The following PIEZO2 variants were observed in gnomAD, a reference collection of about 807,000 sequenced individuals.
The protein encoded by PIEZO2 is piezo-type mechanosensitive ion channel component 2.
In PIEZO2, 172 loss-of-function variants were observed where a neutral mutation model predicts 337.3. The observed-to-expected ratio is 0.51, with a 90% CI of 0.45 to 0.58. The LOEUF (loss-of-function observed/expected upper bound fraction) is 0.58. PIEZO2 is among the 20% of genes least tolerant of loss of function. PIEZO2 has a pLI of 0.00. For synonymous variants in PIEZO2, 1,251 were observed against 1,228.5 expected (o/e 1.02, Z -0.38); for missense variants, 3,028 against 3,391.3 (o/e 0.89, Z 2.66).
chr18:10,795,659 C>T lies in PIEZO2; in HGVS notation c.1528-657G>A, dbSNP rs573137788. Among the ~76,000 whole-genome samples, 2 of 152,260 alleles carry T rather than the reference C, an allele frequency of 1.3e-5. No homozygotes were observed. The highest frequency in any genetic ancestry group is 4.1e-4 in the South Asian group (2 of 4,822). ...TTTCCCAGTCTCCTCTCACATGTGG[C>T]TGTGTTCCTTACTGGAAACTGAAGT... On this transcript the variant is annotated intron_variant, in intron 12 of 55. Transcript: ENST00000674853. This position sits in a 1 kb window ranked among gnomAD's most constrained non-coding sequence, Gnocchi z 4.4.
chr18:10,941,260 G>C (rs1290613445), intron 3 of PIEZO2, among the ~76,000 whole-genome samples: 1 of 152,084 alleles, frequency 6.6e-6, no homozygotes, highest in Non-Finnish European at 1.5e-5. Context: ...CAAAAACTAA[G>C]TTAATAGCAG....
At chr18:10,807,445 A>T (rs1262189095) in intron 7 of PIEZO2, among the ~76,000 whole-genome samples, 171 bp from the exon 8 acceptor site, 4 of 152,252 alleles carry the variant, frequency 2.6e-5, no homozygotes, top group Non-Finnish European at 4.4e-5. Context: ...TTTAAAGAAT[A>T]TATGTGGACA....
rs191299912 is a variant in PIEZO2, at chr18:10,776,215, C to T, written c.2535-2177G>A. The stretch of plus-strand genomic sequence containing the variant: ...AAGTCTTCACCAGAAAACTTGCTAG[C>T]TAGGTGAGATGGGAAAGCTATGTAA... On this transcript the variant is annotated intron_variant, in intron 18 of 55. Transcript: ENST00000674853. 3.1e-3 allele frequency among the ~76,000 whole-genome samples: 476 copies of T among 152,102 alleles called. 2 individuals carry two copies. Among genetic ancestry groups the T allele is most frequent in the Non-Finnish European group, 3.9e-3 (262 of 68,008 alleles).
intron 20 of PIEZO2, among the ~76,000 whole-genome samples, chr18:10,772,954 A>G (rs2038654873): frequency 6.6e-6 from 1 of 152,208 alleles, no homozygotes; most frequent in African/African-American, 2.4e-5. Context: ...TCCAGTTCCC[A>G]TGTCCTTAGG....
chr18:10,740,877 C>G (rs781126621), intron 33 of PIEZO2, 154 bp downstream of exon 33: 1 of 765,016 alleles, frequency 1.3e-6, no homozygotes, highest in South Asian at 1.5e-5. Context: ...CTCAAAGACC[C>G]ACTGACATTA....
chr18:11,067,388 G>GA (rs149098601), intron 1 of PIEZO2, among the ~76,000 whole-genome samples: 393 of 149,460 alleles, frequency 2.6e-3, no homozygotes, highest in African/African-American at 8.1e-3. Flanking sequence ...CTTTCTTTAA[G>GA]AAAAAAAAAA....
intron 3 of PIEZO2, among the ~76,000 whole-genome samples, chr18:10,970,087 C>A (rs113633276): frequency 6.6e-6 from 1 of 152,242 alleles, no homozygotes; most frequent in South Asian, 2.1e-4. Context: ...TATCACTCAA[C>A]ATTAAAAGTT....
intron 1 of PIEZO2, among the ~76,000 whole-genome samples, chr18:11,145,609 C>T (rs1033446843): frequency 1.3e-5 from 2 of 152,218 alleles, no homozygotes; most frequent in South Asian, 4.1e-4. Context: ...ACTCACTATG[C>T]GCAGGAGAGA....
chr18:10,736,063 A>C (rs1251179127), intron 34 of PIEZO2, among the ~76,000 whole-genome samples: 2 of 152,212 alleles, frequency 1.3e-5, no homozygotes, highest in Non-Finnish European at 2.9e-5. Context: ...GTTCTAAAAC[A>C]GAAAGGTAGC....
In PIEZO2 at chr18:11,045,481, G is replaced by C. The variant is rs190411185; in HGVS notation, c.160+20646C>G. Among the ~76,000 whole-genome samples the C allele has an allele frequency of 7.8e-3, 1,185 of 152,170 alleles. 59 individuals are homozygous for C. The highest frequency in any genetic ancestry group is 0.073 in the Admixed American group (1,115 of 15,266). ...CTTGGGAACCCTAGACAGCACTTCA[G>C]CACCATGCATGGGTGCCATTTTAAA... On this transcript the variant is annotated intron_variant, in intron 2 of 55. Coordinates refer to ENST00000674853, the MANE Select transcript of PIEZO2 (RefSeq NM_001378183.1).
Position 10,781,192 on chromosome 18 carries a change from C to T in PIEZO2, c.2493-826G>A, listed in dbSNP as rs1169422033. ...GAGCTATAAAAGTAATGAATATGGC[C>T]GGGTGTGGTGGCTCACGCCTGTAAT... On this transcript the variant is annotated intron_variant, in intron 17 of 55. Transcript: ENST00000674853. This position sits in a 1 kb window ranked among gnomAD's most constrained non-coding sequence, Gnocchi z 4.1. Among the ~76,000 whole-genome samples, 5 of 151,932 alleles carry T rather than the reference C, an allele frequency of 3.3e-5. No individual in the cohort carries two copies. The highest frequency in any genetic ancestry group is 2.1e-4 in the South Asian group (1 of 4,822).
At chr18:10,798,965 G>A (rs1214681705) in intron 11 of PIEZO2, among the ~76,000 whole-genome samples, 1 of 152,164 alleles carries the variant, frequency 6.6e-6, no homozygotes, top group South Asian at 2.1e-4. Context: ...TGTCATCATG[G>A]GTTGGGTGTG....
intron 3 of PIEZO2, among the ~76,000 whole-genome samples, chr18:10,916,383 C>T (rs1345671837): frequency 8.5e-5 from 13 of 152,128 alleles, no homozygotes; most frequent in East Asian, 5.8e-4. Context: ...CAGCCAACCG[C>T]GGTAGGGCTC....
At chr18:10,949,121 C>CT (rs1257644752) in intron 3 of PIEZO2, among the ~76,000 whole-genome samples, 1 of 152,152 alleles carries the variant, frequency 6.6e-6, no homozygotes, top group African/African-American at 2.4e-5. Flanking sequence ...GTAGTTATAT[C>CT]TATTCTGAGA....
chr18:10,864,176 G>A (rs2041947672), intron 5 of PIEZO2, among the ~76,000 whole-genome samples: 1 of 152,126 alleles, frequency 6.6e-6, no homozygotes, highest in African/African-American at 2.4e-5. Flanking sequence ...TCAAAATATT[G>A]AGCAGAGAAG....
rs2032745612 is a variant in PIEZO2, at chr18:10,941,915, T to TG, written c.287-30688dup. On this transcript the variant is annotated intron_variant, in intron 3 of 55. Coordinates refer to ENST00000674853, the MANE Select transcript of PIEZO2 (RefSeq NM_001378183.1). ...GACCCAGTGGGAGATGACTGAATCATGGGGGGTGGGTCTTTCCAGTGCTGT... is the reference window on the plus strand; with the variant it reads ...GACCCAGTGGGAGATGACTGAATCATGGGGGGGTGGGTCTTTCCAGTGCTGT... Among the ~76,000 whole-genome samples the TG allele has an allele frequency of 3.3e-5, 5 of 152,104 alleles. 1 individual carries two copies. Among genetic ancestry groups the TG allele is most frequent in the South Asian group, 4.1e-4 (2 of 4,830 alleles).
chr18:11,043,040 C>G (rs774402352), intron 2 of PIEZO2, among the ~76,000 whole-genome samples: 2 of 152,162 alleles, frequency 1.3e-5, no homozygotes, highest in Admixed American at 6.5e-5. Flanking sequence ...GTCTAATTGG[C>G]TAACCATAAT....
At chr18:11,057,069 C>G (rs767115735) in intron 2 of PIEZO2, among the ~76,000 whole-genome samples, 6 of 151,850 alleles carry the variant, frequency 4.0e-5, no homozygotes, top group Non-Finnish European at 7.4e-5. Context: ...CTGATGGACA[C>G]AGCTGACAGT....
chr18:10,719,945 C>A (rs921958468), intron 36 of PIEZO2, among the ~76,000 whole-genome samples: 1 of 151,456 alleles, frequency 6.6e-6, no homozygotes, highest in East Asian at 1.9e-4. Context: ...CAAAATAGAC[C>A]CAGGGATGAG....
Sources: gnomAD v4.1 joint callset for allele counts (sites outside exome capture counted in the v4.1 genomes callset) on GRCh38, gnomAD v4.1.1 for gene constraint, Gnocchi (gnomAD v3.1) non-coding constraint, MANE v1.5 for transcripts, NCBI Gene and HGNC (gene_info 2026-07-23, HGNC 2026-07-21) for gene names.